The following PRKCQ variants were observed in gnomAD, a reference collection of about 807,000 sequenced individuals.
PRKCQ encodes the protein protein kinase C theta type.
PRKCQ carries 41 observed loss-of-function variants against 91.2 expected under a neutral mutation model. The observed-to-expected ratio is 0.45, with a 90% CI of 0.35 to 0.58. The LOEUF (loss-of-function observed/expected upper bound fraction) is 0.58. Ranked by LOEUF, PRKCQ falls within the 20% of genes least tolerant of loss-of-function variation. The pLI, the probability that PRKCQ is intolerant of heterozygous loss-of-function variation, is 0.00. For missense variants in PRKCQ, 673 were observed against 896.5 expected (o/e 0.75, Z 3.18); for synonymous variants, 307 against 316.9 (o/e 0.97, Z 0.33).
intron 1 of PRKCQ, among the ~76,000 whole-genome samples, chr10:6,551,388 TTTTTTTTTTC>T (rs1472306026): frequency 6.7e-6 from 1 of 149,502 alleles, no homozygotes; most frequent in African/African-American, 2.5e-5. Context: ...CCACATTTTC[TTTTTTTTTTC>T]TTTTTTTTTT....
chr10:6,478,998 C>T lies in PRKCQ; in HGVS notation c.1347G>A (p.Gln449=). The part of the protein sequence containing the change: ...PFLTHMFCTF[Q]TKENLFFVME... ...GTCGGAGCAGAAGCCATACCTTGGT[C>T]TGGAATGTACAAAACATGTGCGTCA... Residue 449 remains glutamine (Q), a synonymous_variant, in exon 12 of 18, where the codon CAG becomes CAA. Coordinates refer to ENST00000263125, the MANE Select transcript of PRKCQ (RefSeq NM_006257.5). 1 of 1,614,024 alleles carries T rather than the reference C, an allele frequency of 6.2e-7. No homozygotes were observed. The highest frequency in any genetic ancestry group is 8.5e-7 in the Non-Finnish European group (1 of 1,179,948).
intron 15 of PRKCQ, among the ~76,000 whole-genome samples, chr10:6,450,663 C>G (rs1316132266): frequency 6.6e-6 from 1 of 152,070 alleles, no homozygotes; most frequent in Admixed American, 6.6e-5. Flanking sequence ...CAAAATTGAC[C>G]ACATAGTTGG....
intron 1 of PRKCQ, among the ~76,000 whole-genome samples, chr10:6,571,483 T>C (rs1019202359): frequency 1.3e-5 from 2 of 152,162 alleles, no homozygotes; most frequent in Non-Finnish European, 2.9e-5. Flanking sequence ...ACCAGGGACA[T>C]GGTTGTTATT....
chr10:6,404,785 C>CTCCT, the PRKCQ span, among the ~76,000 whole-genome samples: 1 of 130,538 alleles, frequency 7.7e-6, no homozygotes, highest in African/African-American at 2.9e-5. Context: ...CCTTCCTTCA[C>CTCCT]TCCTTCCTTC....
At chr10:6,451,565 T>G (rs973255489) in intron 15 of PRKCQ, among the ~76,000 whole-genome samples, 1 of 152,170 alleles carries the variant, frequency 6.6e-6, no homozygotes, top group African/African-American at 2.4e-5. Flanking sequence ...GAATCCTCCT[T>G]AACTCATTTG....
chr10:6,537,893 C>T (rs1166842809), intron 1 of PRKCQ, among the ~76,000 whole-genome samples: 1 of 152,214 alleles, frequency 6.6e-6, no homozygotes, highest in Admixed American at 6.5e-5. Flanking sequence ...GCCCCCCTTC[C>T]CTGCACTTCC....
chr10:6,537,945 T>A (rs548812936), intron 1 of PRKCQ, among the ~76,000 whole-genome samples: 90 of 151,960 alleles, frequency 5.9e-4, no homozygotes, highest in Non-Finnish European at 1.1e-3. Flanking sequence ...TCACCGGGGA[T>A]GGTTTGGAAA....
chr10:6,537,942 G>T (rs1292566870), intron 1 of PRKCQ, among the ~76,000 whole-genome samples: 2 of 152,114 alleles, frequency 1.3e-5, no homozygotes, highest in Admixed American at 6.5e-5. Flanking sequence ...TCCTCACCGG[G>T]GATGGTTTGG....
At chr10:6,492,114 T>G (rs2037876550) in intron 7 of PRKCQ, among the ~76,000 whole-genome samples, 1 of 152,200 alleles carries the variant, frequency 6.6e-6, no homozygotes, top group African/African-American at 2.4e-5. Flanking sequence ...ATGAGGGTTA[T>G]TTTAAAAAGT....
At chr10:6,490,468 G>A (rs915959183) in intron 8 of PRKCQ, among the ~76,000 whole-genome samples, 1 of 150,622 alleles carries the variant, frequency 6.6e-6, no homozygotes, top group Non-Finnish European at 1.5e-5. Context: ...ACTCACTCCT[G>A]TAATCCTAGC....
At position 6,576,210 on chromosome 10, in the gene PRKCQ, A is replaced by G. The variant is rs1193214015; in HGVS notation, c.-10+4001T>C. Reference sequence around the variant, plus strand: ...ACCCCACAATTCTACTGCTGGGTACATACCCCAAAGAATTGAAAGCAGGAC... The same window carrying G: ...ACCCCACAATTCTACTGCTGGGTACGTACCCCAAAGAATTGAAAGCAGGAC... On this transcript the variant is annotated intron_variant, in intron 1 of 17. Transcript: ENST00000263125. This position sits in a 1 kb window ranked among gnomAD's most constrained non-coding sequence, Gnocchi z 4.2. 6.6e-6 allele frequency among the ~76,000 whole-genome samples: 1 copy of G among 152,246 alleles called. No individual in the cohort carries two copies. Among genetic ancestry groups the G allele is most frequent in the South Asian group, 2.1e-4 (1 of 4,838 alleles).
chr10:6,548,705 G>GGGGAA (rs1260017645), intron 1 of PRKCQ, among the ~76,000 whole-genome samples: 119 of 135,778 alleles, frequency 8.8e-4, no homozygotes, highest in African/African-American at 3.2e-3. Flanking sequence ...GACATAGGAA[G>GGGGAA]GGGAACATCA....
intron 5 of PRKCQ, among the ~76,000 whole-genome samples, 162 bp downstream of exon 5, chr10:6,498,234 A>G (rs1837721646): frequency 6.6e-6 from 1 of 151,880 alleles, no homozygotes; most frequent in African/African-American, 2.4e-5. Flanking sequence ...TTATTGGATC[A>G]CACCATTTGA....
chr10:6,450,870 G>C (rs1226793939), intron 15 of PRKCQ, among the ~76,000 whole-genome samples: 3 of 152,102 alleles, frequency 2.0e-5, no homozygotes, highest in Non-Finnish European at 4.4e-5. Context: ...GATGTTCTTT[G>C]AAATCAATGA....
Position 6,464,342 on chromosome 10 carries a change from G to A in PRKCQ, c.1416C>T (p.Ser472=). The change falls in exon 13 of 18, where the codon AGC becomes AGT. Residue 472 remains serine, a synonymous_variant. Coordinates refer to ENST00000263125, the MANE Select transcript of PRKCQ (RefSeq NM_006257.5). ...NGGDLMYHIQ[S]CHKFDLSRAT... is the part of the protein sequence containing the mutation. ...CTCTGGAAAGGTCGAACTTGTGGCA[G>A]CTTTGGATGTGGTACATTAAGTCCC... 1 of 1,613,946 alleles carries A rather than the reference G, an allele frequency of 6.2e-7. No homozygotes were observed. Among genetic ancestry groups the A allele is most frequent in the South Asian group, 1.1e-5 (1 of 91,046 alleles).
Position 6,497,078 on chromosome 10 carries a change from A to G in PRKCQ, c.617T>C (p.Ile206Thr), listed in dbSNP as rs1251068516. The change falls in exon 7 of 18, where the codon ATA becomes ACA. Residue 206 changes from isoleucine (I) to threonine (T), a missense_variant. Coordinates refer to ENST00000263125, the MANE Select transcript of PRKCQ (RefSeq NM_006257.5). This position sits in a 1 kb window ranked among gnomAD's most constrained non-coding sequence, Gnocchi z 4.5. ...GATAGCTGATCCTGTGCACTTTGCTATAACTTTATCAATACACTTCTTGTG... is the reference window on the plus strand; with the variant it reads ...GATAGCTGATCCTGTGCACTTTGCTGTAACTTTATCAATACACTTCTTGTG... Reference protein sequence around the residue: ...AIHKKCIDKVIAKCTGSAINS... With the variant: ...AIHKKCIDKVTAKCTGSAINS... 6.2e-7 allele frequency: 1 copy of G among 1,613,708 alleles called. No individual in the cohort carries two copies. The highest frequency in any genetic ancestry group is 1.7e-5 in the Admixed American group (1 of 60,034).
chr10:6,502,358 T>C (rs957549085), intron 4 of PRKCQ, among the ~76,000 whole-genome samples: 1 of 152,120 alleles, frequency 6.6e-6, no homozygotes, highest in Admixed American at 6.6e-5. Flanking sequence ...GAAGGTATGG[T>C]GGGGAAAAGC....
At chr10:6,540,020 T>C (rs1326614682) in intron 1 of PRKCQ, among the ~76,000 whole-genome samples, 1 of 152,168 alleles carries the variant, frequency 6.6e-6, no homozygotes, top group East Asian at 1.9e-4. Flanking sequence ...TTCAACTAAT[T>C]AAGGGTGGCC....
At chr10:6,531,801 GTTTTTTGT>G (rs1465824543) in intron 1 of PRKCQ, among the ~76,000 whole-genome samples, 7 of 152,026 alleles carry the variant, frequency 4.6e-5, no homozygotes, top group Admixed American at 1.3e-4. Context: ...TAGTGGATCT[GTTTTTTGT>G]TTTTTTGTTT....
Sources: gnomAD v4.1 joint callset for allele counts (sites outside exome capture counted in the v4.1 genomes callset) on GRCh38, gnomAD v4.1.1 for gene constraint, Gnocchi (gnomAD v3.1) non-coding constraint, MANE v1.5 for transcripts, NCBI Gene and HGNC (gene_info 2026-07-23, HGNC 2026-07-21) for gene names.